PDE3A: variants seen among roughly 807,000 people sequenced by gnomAD.
The protein encoded by PDE3A is cGMP-inhibited 3',5'-cyclic phosphodiesterase 3A.
In PDE3A, 43 loss-of-function variants were observed where a neutral mutation model predicts 98.3. That is an observed-to-expected ratio of 0.44 (90% CI 0.34 to 0.56). The LOEUF (loss-of-function observed/expected upper bound fraction) is 0.56. Ranked by LOEUF, PDE3A falls within the 20% of genes least tolerant of loss-of-function variation. PDE3A has a pLI of 0.01. For synonymous variants in PDE3A, 663 were observed against 567.9 expected, an observed-to-expected ratio of 1.17 and a Z score of -2.38; for missense variants, 1,427 against 1,440.7, an observed-to-expected ratio of 0.99 and a Z score of 0.15.
intron 15 of PDE3A, among the ~76,000 whole-genome samples, chr12:20,677,492 C>G (rs1050695909): frequency 6.6e-6 from 1 of 151,828 alleles, no homozygotes; most frequent in Non-Finnish European, 1.5e-5. Flanking sequence ...CAGAGTCTCG[C>G]TCTGTCACCC....
intron 2 of PDE3A, among the ~76,000 whole-genome samples, chr12:20,606,667 T>C (rs552815390): frequency 6.6e-6 from 1 of 151,950 alleles, no homozygotes; most frequent in African/African-American, 2.4e-5. Context: ...GAGACCAGCC[T>C]AACCAACATG....
chr12:20,421,624 G>T (rs1448308462), intron 1 of PDE3A, among the ~76,000 whole-genome samples: 2 of 149,766 alleles, frequency 1.3e-5, no homozygotes, highest in African/African-American at 2.5e-5. Context: ...AACCACCCAT[G>T]CTCACTTTTG....
chr12:20,682,693 A>T lies in PDE3A; in HGVS notation c.*2422A>T, dbSNP rs1157791917. The T allele has an allele frequency of 6.6e-6, 1 of 152,178 alleles. No homozygotes were observed. Among genetic ancestry groups the T allele is most frequent in the African/African-American group, 2.4e-5 (1 of 41,454 alleles). The allele number at this position is 152,178 out of a possible 1,614,324, so 9.4% of individuals were successfully genotyped here. On this transcript the variant is annotated 3_prime_UTR_variant, in exon 16 of 16. Transcript: ENST00000359062. ...ACTATAAGTCAAATTTTGCCAGTGA[A>T]TTTAACTATTTTTCTTTCCTTGCAA...
rs1944435453 is a variant in PDE3A at position 20,633,734 on chromosome 12, C to T, written c.1802C>T (p.Pro601Leu). The T allele has an allele frequency of 6.2e-7, 1 of 1,610,794 alleles. No homozygotes were observed. Among genetic ancestry groups the T allele is most frequent in the Non-Finnish European group, 8.5e-7 (1 of 1,178,338 alleles). The stretch of plus-strand genomic sequence containing the variant: ...TCCCAAGGGAATCCTGCTGATGAGC[C>T]CCTGGAGAGAAGTGGGGTAGCCACT... Reference protein sequence around the residue: ...PYSQGNPADEPLERSGVATRT... With the variant: ...PYSQGNPADELLERSGVATRT... Residue 601 changes from proline to leucine, a missense_variant, in exon 7 of 16, where the codon CCC becomes CTC. Pro to Leu is a moderately conservative substitution (Grantham distance 98). Around this residue, in one of 3 missense-constraint regions of PDE3A, gnomAD observed 1,012 missense variants for 886.5 expected, o/e 1.14. Coordinates refer to ENST00000359062, the MANE Select transcript of PDE3A (RefSeq NM_000921.5).
intron 1 of PDE3A, among the ~76,000 whole-genome samples, chr12:20,516,716 T>G (rs965148788): frequency 6.6e-6 from 1 of 152,232 alleles, no homozygotes; most frequent in African/African-American, 2.4e-5. Flanking sequence ...ATGGCCTCTT[T>G]GACTACAAAA....
At chr12:20,632,097 A>G (rs1944393543) in intron 6 of PDE3A, among the ~76,000 whole-genome samples, 1 of 152,206 alleles carries the variant, frequency 6.6e-6, no homozygotes, top group African/African-American at 2.4e-5. Flanking sequence ...GCAATGAAAA[A>G]GTTTAAGGCT....
chr12:20,653,085 T>C (rs375882672), intron 14 of PDE3A, among the ~76,000 whole-genome samples: 2 of 152,222 alleles, frequency 1.3e-5, no homozygotes, highest in South Asian at 4.1e-4. Context: ...ATTTCCTTTA[T>C]TAATTTTGCT....
chr12:20,375,862 C>T (rs1943561868), intron 1 of PDE3A, among the ~76,000 whole-genome samples: 1 of 151,860 alleles, frequency 6.6e-6, no homozygotes, highest in African/African-American at 2.4e-5. Context: ...CTCCAGGACT[C>T]ATTCATCTCC....
At chr12:20,635,917 A>C (rs1317411145) in intron 8 of PDE3A, among the ~76,000 whole-genome samples, 1 of 152,158 alleles carries the variant, frequency 6.6e-6, no homozygotes, top group East Asian at 1.9e-4. Context: ...GGTGATTAGA[A>C]GCATAAGTAT....
At chr12:20,438,666 A>G (rs1944817632) in intron 1 of PDE3A, among the ~76,000 whole-genome samples, 1 of 152,194 alleles carries the variant, frequency 6.6e-6, no homozygotes, top group Non-Finnish European at 1.5e-5. Flanking sequence ...TGACACAACT[A>G]GAGTCCAGAG....
intron 1 of PDE3A, among the ~76,000 whole-genome samples, chr12:20,448,718 C>A (rs2120876023): frequency 6.7e-6 from 1 of 149,292 alleles, no homozygotes; most frequent in African/African-American, 2.4e-5. Context: ...TAAAGGGTAA[C>A]CTGCGTTACA....
At chr12:20,533,454 A>G (rs1941663501) in intron 1 of PDE3A, among the ~76,000 whole-genome samples, 1 of 147,376 alleles carries the variant, frequency 6.8e-6, no homozygotes, top group Admixed American at 6.8e-5. Flanking sequence ...CTTGACCACA[A>G]TCTGTGATAC....
intron 1 of PDE3A, among the ~76,000 whole-genome samples, chr12:20,392,510 AATAAATAAATAAATAAATAAATAC>A (rs72383198): frequency 0.14 from 12,869 of 92,072 alleles, 790 homozygotes; most frequent in East Asian, 0.36. Context: ...CTGTCTCATA[AATAAATAAATAAATAAATAAATAC>A]ATAAATAAAT....
chr12:20,369,729 T>A lies in PDE3A; in HGVS notation c.445T>A (p.Tyr149Asn). ...LLCAFFWMGL[Y>N]LLRAGVRLPL... ...GTGTGCCTTCTTCTGGATGGGCTTG[T>A]ACCTCCTGCGCGCCGGGGTGCGCCT... Residue 149 changes from tyrosine (Y) to asparagine (N), a missense_variant, in exon 1 of 16, where the codon TAC (tyrosine) becomes AAC (asparagine). Tyr to Asn is a moderately radical substitution (Grantham distance 143). This residue lies in a region of PDE3A where 1,012 missense variants were observed against 886.5 expected (regional missense o/e 1.14). Coordinates refer to ENST00000359062, the MANE Select transcript of PDE3A (RefSeq NM_000921.5). 6.2e-7 allele frequency: 1 copy of A among 1,612,232 alleles called. No homozygotes were observed. The highest frequency in any genetic ancestry group is 8.5e-7 in the Non-Finnish European group (1 of 1,179,692).
intron 1 of PDE3A, among the ~76,000 whole-genome samples, chr12:20,470,256 C>T (rs1260950559): frequency 6.6e-6 from 1 of 152,060 alleles, no homozygotes; most frequent in Non-Finnish European, 1.5e-5. Flanking sequence ...TGGCACAAAA[C>T]AGGAGTTTTT....
chr12:20,613,779 A>G, intron 3 of PDE3A, 79 bp downstream of exon 3: 1 of 1,058,386 alleles, frequency 9.4e-7, no homozygotes, highest in Non-Finnish European at 1.4e-6. Context: ...CTGTCACCTC[A>G]ACTCCATCTG....
At chr12:20,396,208 C>G (rs1028767175) in intron 1 of PDE3A, among the ~76,000 whole-genome samples, 1 of 152,172 alleles carries the variant, frequency 6.6e-6, no homozygotes, top group East Asian at 1.9e-4. Flanking sequence ...AAACATTCCT[C>G]TTCTAATTTA....
At chr12:20,449,096 A>G (rs1488785538) in intron 1 of PDE3A, among the ~76,000 whole-genome samples, 2 of 152,248 alleles carry the variant, frequency 1.3e-5, no homozygotes, top group Non-Finnish European at 2.9e-5. Context: ...TGTATTGCAT[A>G]GCAGCCAATG....
In PDE3A at chr12:20,369,326, C is replaced by T. The variant is rs766124863; in HGVS notation, c.42C>T (p.Pro14=). The T allele has an allele frequency of 1.3e-6, 2 of 1,546,694 alleles. No homozygotes were observed. The highest frequency in any genetic ancestry group is 1.7e-6 in the Non-Finnish European group (2 of 1,145,166). Residue 14 remains proline, a synonymous_variant, in exon 1 of 16, where the codon CCC becomes CCT. Transcript: ENST00000359062. ...ACGCTGCACGAGTCAGGGACAAGCC[C>T]GTCCACAGTGGGGTGAGTCAAGCCC... ...PGDAARVRDK[P]VHSGVSQAPT...
Sources: allele counts gnomAD v4.1 joint callset (sites outside exome capture counted in the v4.1 genomes callset), GRCh38; gene constraint gnomAD v4.1.1; regional missense constraint gnomAD v4.1.1; transcripts MANE v1.5; gene names NCBI Gene and HGNC (gene_info 2026-07-23, HGNC 2026-07-21).